Variants in VPS13D observed in about 807,000 individuals in gnomAD.
The protein encoded by VPS13D is vacuolar protein sorting 13 homolog D.
Under a neutral mutation model 461.9 loss-of-function variants are expected in VPS13D, and 187 were observed. The ratio of observed to expected loss-of-function variants is 0.40; its 90% confidence interval spans 0.36 to 0.46. VPS13D has a LOEUF of 0.46. Ranked by LOEUF, VPS13D falls within the 20% of genes least tolerant of loss-of-function variation. The probability of loss-of-function intolerance (pLI) is 0.60; values close to 1 mark genes in which losing one functional copy is unlikely to be tolerated. For missense variants in VPS13D, 4,711 were observed against 5,364.9 expected (o/e 0.88, Z 3.81); for synonymous variants, 1,951 against 1,986.3 (o/e 0.98, Z 0.47).
At chr1:12,482,773 A>G (rs1053471865) in intron 67 of VPS13D, among the ~76,000 whole-genome samples, 13 of 149,820 alleles carry the variant, frequency 8.7e-5, no homozygotes, top group African/African-American at 3.2e-4. Context: ...GTATACATAT[A>G]TGTATACATA....
rs767962860 is a variant in VPS13D, at chr1:12,304,515, C to T, written c.6226C>T (p.Pro2076Ser). 2 of 1,613,386 alleles carry T rather than the reference C, an allele frequency of 1.2e-6. No homozygotes were observed. ...TTTTGTTCCTTCCCAGGAATCTGTG[C>T]CTTCAGCTTCCCCAACGGGTATTCC... ...TFSLQDKESV[P>S]SASPTGIPKH... The change falls in exon 26 of 70, where the codon CCT becomes TCT. Residue 2076 changes from proline (P) to serine (S), a missense_variant. Around this residue, in one of 3 missense-constraint regions of VPS13D, gnomAD observed 4,411 missense variants for 4,937.8 expected, o/e 0.89. Coordinates refer to ENST00000620676, the MANE Select transcript of VPS13D (RefSeq NM_015378.4).
intron 40 of VPS13D, among the ~76,000 whole-genome samples, chr1:12,339,223 A>G (rs760890896): frequency 7.9e-5 from 12 of 152,288 alleles, no homozygotes; most frequent in Non-Finnish European, 1.3e-4. Context: ...ATGTTACTTA[A>G]TCTTTCAGGC....
At chr1:12,328,621 A>G (rs1370736176) in intron 36 of VPS13D, among the ~76,000 whole-genome samples, 1 of 152,026 alleles carries the variant, frequency 6.6e-6, no homozygotes, top group Non-Finnish European at 1.5e-5. Flanking sequence ...GCTCACCACA[A>G]TCTCTGCCTC....
chr1:12,487,593 A>G (rs1161960258), intron 67 of VPS13D, among the ~76,000 whole-genome samples: 1 of 151,444 alleles, frequency 6.6e-6, no homozygotes, highest in Non-Finnish European at 1.5e-5. Flanking sequence ...CCTGGGCGAC[A>G]GAGCGAGATT....
At chr1:12,256,922 G>A (rs183287269) in intron 8 of VPS13D, 65 bp from the exon 9 acceptor site, 28 of 1,534,260 alleles carry the variant, frequency 1.8e-5, no homozygotes, top group Admixed American at 3.4e-5. Context: ...GTTAGATATA[G>A]GTCTTAACTG....
At position 12,276,014 on chromosome 1, in the gene VPS13D, T is replaced by C; in HGVS notation, c.2426T>C (p.Met809Thr). The C allele has an allele frequency of 6.2e-7, 1 of 1,613,808 alleles. No homozygotes were observed. The highest frequency in any genetic ancestry group is 1.1e-5 in the South Asian group (1 of 91,076). Residue 809 changes from methionine (M) to threonine (T), a missense_variant, in exon 19 of 70, where the codon ATG becomes ACG. Physicochemically the swap from Met to Thr is moderately conservative, Grantham distance 81. Coordinates refer to ENST00000620676, the MANE Select transcript of VPS13D (RefSeq NM_015378.4). The surrounding 1 kb of genome is among the most constrained non-coding windows in gnomAD (Gnocchi z 4.5). ...FSEEQLQAHLMSTKMYERYSL... is the reference protein window; with the variant it reads ...FSEEQLQAHLTSTKMYERYSL... ...GAAGAACAGCTTCAAGCACATTTAA[T>C]GAGCACAAAGATGTATGAGAGGTAC...
chr1:12,401,295 T>C (rs936680611), intron 61 of VPS13D, among the ~76,000 whole-genome samples: 2 of 152,134 alleles, frequency 1.3e-5, no homozygotes, highest in South Asian at 4.1e-4. Context: ...CTCCTTAAAT[T>C]AGCTGCCATC....
At chr1:12,369,874 G>A (rs1644092983) in intron 54 of VPS13D, among the ~76,000 whole-genome samples, 172 bp downstream of exon 54, 2 of 152,118 alleles carry the variant, frequency 1.3e-5, no homozygotes, top group South Asian at 2.1e-4. Context: ...TTAAACTCTT[G>A]ACTTTTGGCT....
intron 67 of VPS13D, among the ~76,000 whole-genome samples, chr1:12,492,605 T>G (rs2100526631): frequency 6.6e-6 from 1 of 152,340 alleles, no homozygotes; most frequent in Non-Finnish European, 1.5e-5. Flanking sequence ...GATTATCTTG[T>G]TAAGTGAACG....
At chr1:12,433,949 A>AGAGAGAGAGAGTGTGT (rs1553121770) in intron 65 of VPS13D, among the ~76,000 whole-genome samples, 2 of 144,928 alleles carry the variant, frequency 1.4e-5, no homozygotes, top group African/African-American at 5.1e-5. Context: ...AGAGAGAGAG[A>AGAGAGAGAGAGTGTGT]GTGTGTGTGT....
At chr1:12,330,638 G>C (rs1643306261) in intron 37 of VPS13D, among the ~76,000 whole-genome samples, 1 of 151,934 alleles carries the variant, frequency 6.6e-6, no homozygotes, top group African/African-American at 2.4e-5. Context: ...CACGATCTCG[G>C]CTCACTGCAA....
Position 12,276,296 on chromosome 1 carries a change from C to T in VPS13D, c.2708C>T (p.Thr903Ile), listed in dbSNP as rs750483769. Residue 903 changes from threonine (T) to isoleucine (I), a missense_variant, in exon 19 of 70, where the codon ACC (threonine) becomes ATC (isoleucine). Thr to Ile is a moderately conservative substitution (Grantham distance 89). Transcript: ENST00000620676. The surrounding 1 kb of genome is among the most constrained non-coding windows in gnomAD (Gnocchi z 4.5). Reference protein sequence around the residue: ...ALKNCFALLTTPEMKTSDTQI... With the variant: ...ALKNCFALLTIPEMKTSDTQI... ...AAGAATTGCTTTGCTCTCCTCACCA[C>T]CCCAGAAATGAAAACTTCTGACACT... The T allele has an allele frequency of 1.2e-6, 2 of 1,614,016 alleles. No homozygotes were observed. Among genetic ancestry groups the T allele is most frequent in the Non-Finnish European group, 1.7e-6 (2 of 1,180,028 alleles).
At chr1:12,303,472 T>A (rs1451450589) in intron 25 of VPS13D, among the ~76,000 whole-genome samples, 1 of 152,208 alleles carries the variant, frequency 6.6e-6, no homozygotes, top group Non-Finnish European at 1.5e-5. Flanking sequence ...TTACAGAGTT[T>A]AAATAAACTA....
At chr1:12,264,313 C>G (rs1569731830) in intron 13 of VPS13D, among the ~76,000 whole-genome samples, 1 of 152,342 alleles carries the variant, frequency 6.6e-6, no homozygotes, top group South Asian at 2.1e-4. Context: ...TCACATGTCT[C>G]TCACTTTAAA....
chr1:12,426,792 G>A (rs1254689285), intron 65 of VPS13D, among the ~76,000 whole-genome samples: 1 of 152,104 alleles, frequency 6.6e-6, no homozygotes, highest in Non-Finnish European at 1.5e-5. Context: ...TGAGGCGGGT[G>A]GATCGCCTGA....
chr1:12,315,007 G>A (rs1642852106), intron 30 of VPS13D, among the ~76,000 whole-genome samples: 1 of 152,182 alleles, frequency 6.6e-6, no homozygotes, highest in Admixed American at 6.5e-5. Flanking sequence ...CTGGCATATT[G>A]CTTGGCACAG....
chr1:12,318,536 G>A (rs1307749765), intron 31 of VPS13D, among the ~76,000 whole-genome samples, 199 bp downstream of exon 31: 2 of 152,168 alleles, frequency 1.3e-5, no homozygotes, highest in Non-Finnish European at 2.9e-5. Context: ...AAGACTGCGG[G>A]GTCGCTTGTC....
chr1:12,401,063 G>A (rs1015460934), intron 61 of VPS13D, among the ~76,000 whole-genome samples: 4 of 151,970 alleles, frequency 2.6e-5, no homozygotes, highest in Admixed American at 2.6e-4. Flanking sequence ...CAGACGTGCT[G>A]CTACCTAAGT....
intron 65 of VPS13D, among the ~76,000 whole-genome samples, chr1:12,426,890 T>G (rs896103447): frequency 6.6e-6 from 1 of 152,088 alleles, no homozygotes; most frequent in Non-Finnish European, 1.5e-5. Flanking sequence ...GGCAGGCGCC[T>G]GTAATCCCAG....
Sources: gnomAD v4.1 joint callset for allele counts (sites outside exome capture counted in the v4.1 genomes callset) on GRCh38, gnomAD v4.1.1 for gene constraint, gnomAD v4.1.1 regional missense constraint, Gnocchi (gnomAD v3.1) non-coding constraint, MANE v1.5 for transcripts, NCBI Gene and HGNC (gene_info 2026-07-23, HGNC 2026-07-21) for gene names.